Variants in LRRTM4 observed in about 807,000 individuals in gnomAD.
LRRTM4 encodes the protein leucine rich repeat transmembrane neuronal 4.
In LRRTM4, 25 loss-of-function variants were observed where a neutral mutation model predicts 47.6. That is an observed-to-expected ratio of 0.53 (90% confidence interval 0.38 to 0.73). The LOEUF is 0.73. Ranked by LOEUF, LRRTM4 falls within the 30% of genes least tolerant of loss-of-function variation. The pLI is 0.00. For missense variants in LRRTM4, 638 were observed against 713.4 expected, an observed-to-expected ratio of 0.89 and a Z score of 1.20; for synonymous variants, 311 against 269.5, an observed-to-expected ratio of 1.15 and a Z score of -1.51.
chr2:77,067,782 A>G (rs554994326), intron 3 of LRRTM4, among the ~76,000 whole-genome samples: 2 of 151,940 alleles, frequency 1.3e-5, no homozygotes, highest in East Asian at 3.9e-4. Context: ...AATGTATACT[A>G]ATTTCTGAGC....
intron 3 of LRRTM4, among the ~76,000 whole-genome samples, chr2:77,162,921 T>A (rs1672772564): frequency 6.6e-6 from 1 of 152,104 alleles, no homozygotes; most frequent in South Asian, 2.1e-4. Flanking sequence ...CCTCTTCTCC[T>A]CCAAAGGAAT....
intron 3 of LRRTM4, among the ~76,000 whole-genome samples, chr2:77,393,999 T>C (rs1280876625): frequency 6.6e-6 from 1 of 152,052 alleles, no homozygotes; most frequent in Non-Finnish European, 1.5e-5. Flanking sequence ...TATTTAACCA[T>C]GTGTCCTATA....
At chr2:77,082,822 A>G (rs1204556087) in intron 3 of LRRTM4, among the ~76,000 whole-genome samples, 1 of 152,116 alleles carries the variant, frequency 6.6e-6, no homozygotes, top group Non-Finnish European at 1.5e-5. Flanking sequence ...AAAAAAAGAC[A>G]CATCTGCCTT....
chr2:76,971,134 C>T (rs557087181), intron 3 of LRRTM4, among the ~76,000 whole-genome samples: 66 of 152,008 alleles, frequency 4.3e-4, no homozygotes, highest in Middle Eastern at 3.4e-3. Context: ...GGGACAGTTG[C>T]CACGAACAAA....
chr2:77,374,333 G>A (rs949921066), intron 3 of LRRTM4, among the ~76,000 whole-genome samples: 16 of 151,736 alleles, frequency 1.1e-4, no homozygotes, highest in African/African-American at 3.9e-4. Flanking sequence ...AATAAAATTA[G>A]GCAGTGGATT....
chr2:77,462,747 A>G (rs1399282731), intron 3 of LRRTM4, among the ~76,000 whole-genome samples: 1 of 152,064 alleles, frequency 6.6e-6, no homozygotes, highest in Non-Finnish European at 1.5e-5. Context: ...TCTTGCATCC[A>G]CCCTAATTAG....
chr2:76,910,931 T>C (rs529588217), intron 3 of LRRTM4, among the ~76,000 whole-genome samples: 56 of 152,360 alleles, frequency 3.7e-4, no homozygotes, highest in African/African-American at 1.3e-3. Context: ...TTAATGGTAC[T>C]GAGAAATACA....
At chr2:77,049,133 T>TATATATAC (rs1679337481) in intron 3 of LRRTM4, among the ~76,000 whole-genome samples, 2 of 123,768 alleles carry the variant, frequency 1.6e-5, no homozygotes, top group East Asian at 4.6e-4. Context: ...TATATATATA[T>TATATATAC]ATATATATAT....
At chr2:77,381,744 A>G (rs2103793302) in intron 3 of LRRTM4, among the ~76,000 whole-genome samples, 1 of 152,150 alleles carries the variant, frequency 6.6e-6, no homozygotes, top group Middle Eastern at 3.4e-3. Flanking sequence ...ATTTTGAAAA[A>G]TAATATCCAT....
At chr2:76,948,868 T>C (rs2103880975) in intron 3 of LRRTM4, among the ~76,000 whole-genome samples, 1 of 151,960 alleles carries the variant, frequency 6.6e-6, no homozygotes, top group Non-Finnish European at 1.5e-5. Context: ...ATAACTAGAT[T>C]TTGTACATTT....
At chr2:77,249,487 AT>A (rs1363543122) in intron 3 of LRRTM4, among the ~76,000 whole-genome samples, 1 of 94,936 alleles carries the variant, frequency 1.1e-5, no homozygotes, top group Non-Finnish European at 2.1e-5. Context: ...TATTGAAAAT[AT>A]TAAAAAAAAA....
At chr2:77,395,614 T>G (rs571416416) in intron 3 of LRRTM4, among the ~76,000 whole-genome samples, 1 of 151,950 alleles carries the variant, frequency 6.6e-6, no homozygotes, top group Non-Finnish European at 1.5e-5. Context: ...CTTAATAAGT[T>G]GCTCTGATGC....
Position 76,979,541 on chromosome 2 carries a change from G to GTATATATATATA in LRRTM4, c.1552-230626_1552-230625insTATATATATATA, listed in dbSNP as rs70939837. Among the ~76,000 whole-genome samples, 14 of 126,958 alleles carry GTATATATATATA rather than the reference G, an allele frequency of 1.1e-4. 1 individual carries two copies. Among genetic ancestry groups the GTATATATATATA allele is most frequent in the African/African-American group, 4.1e-4 (12 of 29,254 alleles). The allele number at this position is 126,958 out of a possible 152,430, so 83.3% of individuals were successfully genotyped here. A position where few individuals can be genotyped will look rare whatever the true frequency, so the allele number is the denominator to read the frequency against. On this transcript the variant is annotated intron_variant, in intron 3 of 3. Transcript: ENST00000409884. Reference sequence around the variant, plus strand: ...ATTCAGACTGCAAAACTGAATTTCTGTATATATATATGCTCTTCCTCTATA... The same window carrying GTATATATATATA: ...ATTCAGACTGCAAAACTGAATTTCTGTATATATATATATATATATATATGCTCTTCCTCTATA...
chr2:77,499,554 T>C (rs62159462), intron 3 of LRRTM4, among the ~76,000 whole-genome samples: 7,884 of 151,996 alleles, frequency 0.052, 254 homozygotes, highest in Middle Eastern at 0.1. Flanking sequence ...AGTTCCTCAC[T>C]CTATCTTTGC....
intron 3 of LRRTM4, among the ~76,000 whole-genome samples, chr2:76,992,747 C>T (rs1478700907): frequency 6.7e-6 from 1 of 148,830 alleles, no homozygotes; most frequent in Non-Finnish European, 1.5e-5. Flanking sequence ...ATATCGGTGT[C>T]ATTTTTTATA....
At chr2:77,031,138 T>G (rs993233086) in intron 3 of LRRTM4, among the ~76,000 whole-genome samples, 1 of 152,078 alleles carries the variant, frequency 6.6e-6, no homozygotes, top group African/African-American at 2.4e-5. Flanking sequence ...AATTTTTCTG[T>G]TATTTATATA....
chr2:76,944,607 T>C (rs1382404623), intron 3 of LRRTM4, among the ~76,000 whole-genome samples: 1 of 152,058 alleles, frequency 6.6e-6, no homozygotes, highest in African/African-American at 2.4e-5. Context: ...GGTTCATCTA[T>C]AGAGAGAAAT....
At chr2:77,330,628 CA>C (rs1199995589) in intron 3 of LRRTM4, among the ~76,000 whole-genome samples, 1 of 152,056 alleles carries the variant, frequency 6.6e-6, no homozygotes, top group Non-Finnish European at 1.5e-5. Context: ...ATTTTATGTG[CA>C]TATGCATGTG....
intron 3 of LRRTM4, among the ~76,000 whole-genome samples, chr2:77,439,118 C>T (rs956387536): frequency 6.6e-6 from 1 of 152,114 alleles, no homozygotes; most frequent in Non-Finnish European, 1.5e-5. Flanking sequence ...CAGATTCAGT[C>T]TGAAGTGAGG....
Sources: allele counts gnomAD v4.1 joint callset (sites outside exome capture counted in the v4.1 genomes callset), GRCh38; gene constraint gnomAD v4.1.1; transcripts MANE v1.5; gene names NCBI Gene and HGNC (gene_info 2026-07-23, HGNC 2026-07-21).